RIMS2: variants seen among roughly 807,000 people sequenced by gnomAD.
The protein encoded by RIMS2 is regulating synaptic membrane exocytosis 2.
A neutral mutation model predicts 174.4 loss-of-function variants in RIMS2; 59 were observed. The ratio of observed to expected loss-of-function variants is 0.34; its 90% CI spans 0.27 to 0.42. RIMS2 has a LOEUF of 0.42. RIMS2 is among the 10% of genes least tolerant of loss of function. RIMS2 has a pLI of 1.00. For synonymous variants in RIMS2, 606 were observed against 572.5 expected (o/e 1.06, Z -0.84); for missense variants, 1,620 against 1,666.3 (o/e 0.97, Z 0.48).
chr8:103,875,222 G>C (rs1036616172), intron 3 of RIMS2, among the ~76,000 whole-genome samples: 1 of 151,852 alleles, frequency 6.6e-6, no homozygotes, highest in African/African-American at 2.4e-5. Flanking sequence ...CCCCTATATA[G>C]TGTATATTGT....
intron 14 of RIMS2, 102 bp downstream of exon 16, chr8:103,943,028 T>C (rs550035750): frequency 9.6e-6 from 8 of 833,914 alleles, no homozygotes; most frequent in Non-Finnish European, 1.3e-5. Flanking sequence ...ATATTAATAG[T>C]CATTTGTTAG....
chr8:103,975,466 A>G, exon 16 of RIMS2: 3 of 1,613,336 alleles, frequency 1.9e-6, no homozygotes, highest in Non-Finnish European at 1.7e-6. Flanking sequence ...TGTTATAGGA[A>G]GGACTAGATC....
intron 1 of RIMS2, among the ~76,000 whole-genome samples, chr8:103,585,088 A>C (rs1385950398): frequency 6.6e-6 from 1 of 152,190 alleles, no homozygotes; most frequent in African/African-American, 2.4e-5. Context: ...TGTTGATATG[A>C]ACAGACATTT....
At chr8:104,139,386 A>G (rs770477823) in intron 19 of RIMS2, among the ~76,000 whole-genome samples, 2 of 152,162 alleles carry the variant, frequency 1.3e-5, no homozygotes, top group African/African-American at 2.4e-5. Flanking sequence ...TGATTCTTCC[A>G]GTCCATGAAC....
In RIMS2 at chr8:104,079,598, G is replaced by GATATATATATAT. The variant is rs5893676; in HGVS notation, c.3334+65016_3334+65027dup. On this transcript the variant is annotated intron_variant, in intron 19 of 23. Transcript: ENST00000504942. ...TCACATAACTGAAAGGATTAAGCAT[G>GATATATATATAT]ATATATATATATATATATATATATA... 1.2e-3 allele frequency among the ~76,000 whole-genome samples: 60 copies of GATATATATATAT among 50,978 alleles called. 3 individuals are homozygous for GATATATATATAT. The highest frequency in any genetic ancestry group is 1.7e-3 in the Non-Finnish European group (42 of 24,228). 33.4% of individuals were successfully genotyped at this position (50,978 alleles called of 152,430 possible).
intron 19 of RIMS2, among the ~76,000 whole-genome samples, chr8:104,190,785 G>T (rs954895405): frequency 1.3e-5 from 2 of 152,026 alleles, no homozygotes; most frequent in Non-Finnish European, 2.9e-5. Context: ...CCATTTCATA[G>T]ATAATTTCAA....
intron 3 of RIMS2, among the ~76,000 whole-genome samples, chr8:103,809,814 C>A (rs1459286486): frequency 1.3e-5 from 2 of 152,030 alleles, no homozygotes; most frequent in Non-Finnish European, 2.9e-5. Flanking sequence ...ATTTGAAATG[C>A]CTGGGTACTT....
intron 1 of RIMS2, among the ~76,000 whole-genome samples, chr8:103,676,901 T>A (rs1159430268): frequency 2.0e-5 from 3 of 152,162 alleles, no homozygotes; most frequent in African/African-American, 7.2e-5. Context: ...GGAGAATAGC[T>A]TGAACCCAGA....
At position 104,214,233 on chromosome 8, in the gene RIMS2, A is replaced by G. The variant is rs373784272; in HGVS notation, c.3335-30683A>G. ...GTATTTATTAGAGAGTTTCTGTTTT[A>G]TACCACAAATTTACCTCTTACTGAG... On this transcript the variant is annotated intron_variant, in intron 19 of 23. Coordinates refer to ENST00000504942, the Ensembl canonical transcript of RIMS2. 2.8e-4 allele frequency among the ~76,000 whole-genome samples: 43 copies of G among 152,286 alleles called. 1 individual carries two copies. In the East Asian group the frequency reaches 3.7e-3, roughly 13 times the overall value.
At chr8:104,010,996 A>T (rs1027801770) in intron 17 of RIMS2, among the ~76,000 whole-genome samples, 1 of 152,206 alleles carries the variant, frequency 6.6e-6, no homozygotes, top group Non-Finnish European at 1.5e-5. Flanking sequence ...AGTTGCTGCT[A>T]TTCAAAATTA....
At chr8:103,585,894 A>T (rs2093890349) in intron 1 of RIMS2, among the ~76,000 whole-genome samples, 1 of 150,540 alleles carries the variant, frequency 6.6e-6, no homozygotes, top group Admixed American at 6.6e-5. Flanking sequence ...TTAAAGAAAA[A>T]TTTTAAAAAA....
At chr8:103,669,077 T>C (rs1488165745) in intron 1 of RIMS2, among the ~76,000 whole-genome samples, 1 of 151,938 alleles carries the variant, frequency 6.6e-6, no homozygotes, top group African/African-American at 2.4e-5. Context: ...AGGAAAGAGG[T>C]TTAATGGACT....
intron 15 of RIMS2, among the ~76,000 whole-genome samples, chr8:103,968,672 A>G (rs1264328826): frequency 1.3e-5 from 2 of 152,082 alleles, no homozygotes; most frequent in Non-Finnish European, 1.5e-5. Flanking sequence ...CATTCGACTT[A>G]AATTTAAGCA....
At chr8:103,916,362 T>C in intron 7 of RIMS2, 52 bp from the exon 11 acceptor site, 1 of 1,381,446 alleles carries the variant, frequency 7.2e-7, no homozygotes, top group Non-Finnish European at 1.0e-6. Flanking sequence ...TAAGTGTAAT[T>C]TGTCAGATCA....
intron 1 of RIMS2, among the ~76,000 whole-genome samples, chr8:103,589,664 G>T (rs950735619): frequency 1.3e-5 from 2 of 151,532 alleles, no homozygotes; most frequent in African/African-American, 4.8e-5. Flanking sequence ...CAATAGCTAA[G>T]ATTTGGAAGC....
intron 9 of RIMS2, 190 bp downstream of exon 12, chr8:103,918,677 T>G: frequency 1.8e-6 from 1 of 558,252 alleles, no homozygotes; most frequent in South Asian, 2.5e-5. Flanking sequence ...TAGAATATTT[T>G]AAGTTTTTTT....
intron 3 of RIMS2, among the ~76,000 whole-genome samples, chr8:103,817,583 C>A (rs2154470997): frequency 6.6e-6 from 1 of 152,242 alleles, no homozygotes; most frequent in East Asian, 1.9e-4. Flanking sequence ...GAGTTTGAGA[C>A]CAGCCTGGCC....
At chr8:103,583,528 A>G (rs576214382) in intron 1 of RIMS2, among the ~76,000 whole-genome samples, 3 of 152,188 alleles carry the variant, frequency 2.0e-5, no homozygotes, top group Non-Finnish European at 4.4e-5. Context: ...AAACACAGCT[A>G]TTTTGAAATC....
intron 2 of RIMS2, among the ~76,000 whole-genome samples, chr8:103,708,858 A>G (rs947628948): frequency 2.0e-5 from 3 of 152,006 alleles, no homozygotes. Context: ...TTTTTCAAAT[A>G]TTTTTACTGT....
Sources: gnomAD v4.1 joint callset for allele counts (sites outside exome capture counted in the v4.1 genomes callset) on GRCh38, gnomAD v4.1.1 for gene constraint, MANE v1.5 for transcripts, NCBI Gene and HGNC (gene_info 2026-07-23, HGNC 2026-07-21) for gene names.